Variants in PRDM2 observed in about 807,000 individuals in gnomAD.
PRDM2 encodes the protein PR/SET domain 2.
Under a neutral mutation model 130.0 loss-of-function variants are expected in PRDM2, and 30 were observed. That is an observed-to-expected ratio of 0.23 (90% CI 0.17 to 0.31). The LOEUF is 0.31. Ranked by LOEUF, PRDM2 falls within the 10% of genes least tolerant of loss-of-function variation. The pLI is 1.00. For missense variants in PRDM2, 2,011 were observed against 2,108.4 expected, an observed-to-expected ratio of 0.95 and a Z score of 0.90; for synonymous variants, 871 against 782.4, an observed-to-expected ratio of 1.11 and a Z score of -1.89.
At chr1:13,706,341 A>T (rs147717566) in intron 1 of PRDM2, among the ~76,000 whole-genome samples, 2,572 of 152,276 alleles carry the variant, frequency 0.017, 42 homozygotes, top group South Asian at 0.085. Flanking sequence ...TCTTCCTAAA[A>T]TATTCAATTT....
In PRDM2 at chr1:13,782,241, C is replaced by A. The variant is rs772776463; in HGVS notation, c.4446C>A (p.Pro1482=). The stretch of plus-strand genomic sequence containing the variant: ...CCGCCTTCAGCTGTCCCAAAAAACC[C>A]CTTTCTCCTCCCAAAAAAAAAGTTT... ...KHAAFSCPKK[P]LSPPKKKVSH... The change falls in exon 8 of 10, where the codon CCC becomes CCA. Residue 1482 remains proline, a synonymous_variant. Coordinates refer to ENST00000311066, the MANE Select transcript of PRDM2 (RefSeq NM_001393986.1). 6.2e-7 allele frequency: 1 copy of A among 1,613,634 alleles called. No individual in the cohort carries two copies. The highest frequency in any genetic ancestry group is 1.1e-5 in the South Asian group (1 of 91,002).
At chr1:13,719,900 G>GT (rs1642669240) in intron 2 of PRDM2, among the ~76,000 whole-genome samples, 1 of 151,942 alleles carries the variant, frequency 6.6e-6, no homozygotes, top group Non-Finnish European at 1.5e-5. Flanking sequence ...ATTCTAAGCT[G>GT]TTTTTTGCTT....
At chr1:13,743,903 G>C (rs192968761) in intron 5 of PRDM2, among the ~76,000 whole-genome samples, 222 of 152,244 alleles carry the variant, frequency 1.5e-3, no homozygotes, top group African/African-American at 5.0e-3. Context: ...TGCTTTTCTA[G>C]TAGGTATTAC....
intron 8 of PRDM2, among the ~76,000 whole-genome samples, chr1:13,794,143 G>A (rs1035584784): frequency 6.6e-6 from 1 of 152,200 alleles, no homozygotes; most frequent in South Asian, 2.1e-4. Flanking sequence ...ACTAGCCGGG[G>A]TTGAGGTTCT....
chr1:13,816,298 G>A (rs1645255863), intron 8 of PRDM2, 129 bp from the exon 9 acceptor site: 2 of 1,179,186 alleles, frequency 1.7e-6, no homozygotes, highest in Non-Finnish European at 2.4e-6. Flanking sequence ...TGGCCTCAAG[G>A]TGTCCAGGAA....
chr1:13,766,081 G>A (rs1008416807), intron 6 of PRDM2, among the ~76,000 whole-genome samples: 3 of 152,164 alleles, frequency 2.0e-5, no homozygotes, highest in South Asian at 2.1e-4. Context: ...TGCAGGTGAC[G>A]GAGATGACCT....
intron 6 of PRDM2, among the ~76,000 whole-genome samples, chr1:13,758,349 A>C (rs974276380): frequency 1.3e-5 from 2 of 151,318 alleles, no homozygotes; most frequent in Non-Finnish European, 2.9e-5. Flanking sequence ...CGGGAGGCTG[A>C]GGCACAAGAA....
rs529084631 is a variant in PRDM2 at position 13,787,020 on chromosome 1, G to A, written c.5036+4189G>A. ...TTAAATTAATTATAGACAGAGAGAG[G>A]CATTTAGCTGATCTCTTACCCCTGG... On this transcript the variant is annotated intron_variant, in intron 8 of 9. Transcript: ENST00000311066. 3.3e-4 allele frequency: 323 copies of A among 985,724 alleles called. 3 individuals carry two copies. The South Asian group carries it at 0.011, about 34-fold the overall frequency. The allele number at this position is 985,724 out of a possible 1,614,324, so 61.1% of individuals were successfully genotyped here.
At chr1:13,730,860 A>G (rs1362956516) in intron 2 of PRDM2, 140 bp from the exon 3 acceptor site, 20 of 604,450 alleles carry the variant, frequency 3.3e-5, no homozygotes, top group East Asian at 5.6e-5. Flanking sequence ...AATGCTTGAC[A>G]TCATCGTTTT....
chr1:13,769,953 A>G (rs1163416997), intron 6 of PRDM2, among the ~76,000 whole-genome samples: 2 of 152,134 alleles, frequency 1.3e-5, no homozygotes, highest in Non-Finnish European at 1.5e-5. Context: ...ACTAGCATCT[A>G]GTAAATAGTG....
chr1:13,797,373 C>T (rs528342619), intron 8 of PRDM2, among the ~76,000 whole-genome samples: 19 of 152,318 alleles, frequency 1.2e-4, no homozygotes, highest in African/African-American at 4.1e-4. Context: ...TTTACCTTCA[C>T]GTAGGAGCCA....
intron 2 of PRDM2, among the ~76,000 whole-genome samples, chr1:13,726,060 GT>G (rs1192792071): frequency 6.6e-6 from 1 of 152,234 alleles, no homozygotes; most frequent in African/African-American, 2.4e-5. Context: ...GCAAAGTTTA[GT>G]TTCATCTGTA....
intron 1 of PRDM2, among the ~76,000 whole-genome samples, chr1:13,709,249 A>G (rs1174207886): frequency 1.3e-5 from 2 of 152,172 alleles, no homozygotes; most frequent in Non-Finnish European, 2.9e-5. Context: ...CAAGGAACAA[A>G]TTAAATTGAA....
chr1:13,738,945 A>G (rs1643354070), intron 4 of PRDM2: 1 of 151,970 alleles, frequency 6.6e-6, no homozygotes, highest in African/African-American at 2.4e-5. Context: ...AAGAAGGTAT[A>G]GTATTTTCTC....
chr1:13,733,467 G>A (rs1482881553), intron 4 of PRDM2, among the ~76,000 whole-genome samples: 3 of 152,200 alleles, frequency 2.0e-5, no homozygotes, highest in Non-Finnish European at 4.4e-5. Context: ...TCCTTCCCTG[G>A]GGGGCTCCAC....
chr1:13,765,188 T>TG lies in PRDM2; in HGVS notation c.512-7890_512-7889insG, dbSNP rs1336320984. On this transcript the variant is annotated intron_variant, in intron 6 of 9. Transcript: ENST00000311066. ...TGAGGCACACTGGTGCCCCCATCAG[T>TG]CCTTCTGCCCAAGTCTCCCAGTTCT... Among the ~76,000 whole-genome samples the TG allele has an allele frequency of 3.4e-3, 520 of 152,360 alleles. 3 individuals carry two copies. Among genetic ancestry groups the TG allele is most frequent in the African/African-American group, 0.012 (502 of 41,576 alleles).
chr1:13,702,582 G>A (rs1029523257), intron 1 of PRDM2, among the ~76,000 whole-genome samples: 2 of 152,130 alleles, frequency 1.3e-5, no homozygotes, highest in Non-Finnish European at 2.9e-5. Flanking sequence ...GTGCAGTTAT[G>A]TACATATATC....
intron 6 of PRDM2, among the ~76,000 whole-genome samples, chr1:13,769,569 C>G (rs750474684): frequency 4.6e-5 from 7 of 152,138 alleles, no homozygotes; most frequent in Non-Finnish European, 7.4e-5. Flanking sequence ...AAGGCCCTCA[C>G]GATGAGACGT....
At chr1:13,762,842 TGTGTCGGTCC>T (rs1314397356) in intron 6 of PRDM2, among the ~76,000 whole-genome samples, 2 of 152,078 alleles carry the variant, frequency 1.3e-5, no homozygotes, top group Admixed American at 6.5e-5. Context: ...ATGTGGATGA[TGTGTCGGTCC>T]GTGAGTGCTC....
Sources: gnomAD v4.1 joint callset for allele counts (sites outside exome capture counted in the v4.1 genomes callset) on GRCh38, gnomAD v4.1.1 for gene constraint, MANE v1.5 for transcripts, NCBI Gene and HGNC (gene_info 2026-07-23, HGNC 2026-07-21) for gene names.